The following PKHD1 variants were observed in gnomAD, a reference collection of about 807,000 sequenced individuals.
PKHD1 encodes fibrocystin.
Under a neutral mutation model 412.0 loss-of-function variants are expected in PKHD1, and 291 were observed. The ratio of observed to expected loss-of-function variants is 0.71; its 90% CI spans 0.64 to 0.78. PKHD1 has a LOEUF of 0.78. Ranked by LOEUF, PKHD1 falls within the 30% of genes least tolerant of loss-of-function variation. The probability of loss-of-function intolerance (pLI) is 0.00; values close to 1 mark genes in which losing one functional copy is unlikely to be tolerated. For missense variants in PKHD1, 4,825 were observed against 4,950.7 expected (o/e 0.97, Z 0.76); for synonymous variants, 1,777 against 1,821.5 (o/e 0.98, Z 0.62).
At chr6:51,689,442 G>A (rs1486633243) in intron 60 of PKHD1, among the ~76,000 whole-genome samples, 3 of 152,178 alleles carry the variant, frequency 2.0e-5, no homozygotes, top group Non-Finnish European at 2.9e-5. Flanking sequence ...CACAAGACAA[G>A]GATGTCCTCT....
chr6:51,869,430 G>A (rs1340978032), intron 47 of PKHD1, among the ~76,000 whole-genome samples: 2 of 151,990 alleles, frequency 1.3e-5, no homozygotes, highest in Non-Finnish European at 2.9e-5. Flanking sequence ...TACAATAATA[G>A]GCTTGGACAT....
At chr6:51,637,318 G>C (rs959009732) in intron 64 of PKHD1, among the ~76,000 whole-genome samples, 4 of 152,004 alleles carry the variant, frequency 2.6e-5, no homozygotes, top group African/African-American at 9.7e-5. Context: ...GGAATCCCAC[G>C]GTCAAGGACA....
rs761267998 is a variant in PKHD1 at position 51,659,958 on chromosome 6, C to T, written c.10168G>A (p.Glu3390Lys). 18 of 1,597,068 alleles carry T rather than the reference C, an allele frequency of 1.1e-5. No homozygotes were observed. The South Asian group carries it at 1.5e-4, about 14-fold the overall frequency. Residue 3390 changes from glutamate (E) to lysine (K), a missense_variant, in exon 61 of 67, where the codon GAA (glutamate) becomes AAA (lysine). By Grantham distance (56) the Glu-to-Lys change is moderately conservative. Transcript: ENST00000371117. ...AATTGGTATGTACATTTCTGTTCTT[C>T]TCTAAATGTACCTATAAAAGAAAAG... is the stretch of plus-strand genomic sequence containing the variant. Reference protein sequence around the residue: ...ASFFNAGTFREEQKCTYQFLM... With the variant: ...ASFFNAGTFRKEQKCTYQFLM...
intron 60 of PKHD1, among the ~76,000 whole-genome samples, chr6:51,668,614 G>C (rs1338678866): frequency 2.0e-5 from 3 of 151,690 alleles, no homozygotes; most frequent in Admixed American, 1.3e-4. Flanking sequence ...GGGCATCCCT[G>C]TCTTGTGCCA....
At chr6:51,677,021 A>C (rs946571060) in intron 60 of PKHD1, among the ~76,000 whole-genome samples, 3 of 152,264 alleles carry the variant, frequency 2.0e-5, no homozygotes, top group Admixed American at 2.0e-4. Flanking sequence ...AGCTACTTAA[A>C]GTCTATTGAG....
intron 52 of PKHD1, among the ~76,000 whole-genome samples, chr6:51,793,609 C>T (rs532000786): frequency 3.3e-5 from 5 of 152,272 alleles, no homozygotes; most frequent in African/African-American, 9.6e-5. Context: ...AGCAAGAACA[C>T]GTGGTATTTT....
At chr6:51,752,447 C>A (rs1786258928) in intron 57 of PKHD1, among the ~76,000 whole-genome samples, 1 of 152,166 alleles carries the variant, frequency 6.6e-6, no homozygotes, top group Non-Finnish European at 1.5e-5. Flanking sequence ...AACTAGAAAT[C>A]TTAAATGTCT....
chr6:51,763,347 GC>G (rs1788369891), intron 55 of PKHD1, among the ~76,000 whole-genome samples: 1 of 152,070 alleles, frequency 6.6e-6, no homozygotes, highest in South Asian at 2.1e-4. Flanking sequence ...ATAAATGGTA[GC>G]TAGTTAATGA....
chr6:52,017,336 ACT>A, intron 34 of PKHD1, 72 bp downstream of exon 34: 1 of 1,088,380 alleles, frequency 9.2e-7, no homozygotes, highest in Non-Finnish European at 1.4e-6. Flanking sequence ...CCCAGCCTAC[ACT>A]CTCTGATGGC....
At chr6:51,920,849 G>A (rs1784579959) in intron 37 of PKHD1, among the ~76,000 whole-genome samples, 2 of 152,044 alleles carry the variant, frequency 1.3e-5, no homozygotes, top group Admixed American at 1.3e-4. Flanking sequence ...GTTTAGTCTT[G>A]GGAGGGTGTA....
chr6:51,950,220 A>AAAAAAAAAAATAT, intron 36 of PKHD1, among the ~76,000 whole-genome samples: 1 of 98,328 alleles, frequency 1.0e-5, no homozygotes, highest in Non-Finnish European at 2.0e-5. Flanking sequence ...GAAAAAAAAA[A>AAAAAAAAAAATAT]ATATATATAT....
chr6:51,980,852 A>G (rs1266261927), intron 35 of PKHD1, among the ~76,000 whole-genome samples: 1 of 152,236 alleles, frequency 6.6e-6, no homozygotes, highest in Non-Finnish European at 1.5e-5. Context: ...TGAGCCAAAT[A>G]TCATTGAAAT....
At chr6:51,708,669 C>T (rs915795536) in intron 60 of PKHD1, among the ~76,000 whole-genome samples, 4 of 152,038 alleles carry the variant, frequency 2.6e-5, no homozygotes, top group African/African-American at 9.7e-5. Flanking sequence ...ACAGATTGTC[C>T]CACCATCTCA....
chr6:51,699,920 AGTGTGTGTGTGTGTGT>A (rs148337538), intron 60 of PKHD1, among the ~76,000 whole-genome samples: 1 of 137,810 alleles, frequency 7.3e-6, no homozygotes, highest in Non-Finnish European at 1.6e-5. Context: ...ATATATATGG[AGTGTGTGTGTGTGTGT>A]GTGTGTGTGT....
At chr6:51,976,090 G>A (rs1285185531) in intron 35 of PKHD1, 1 of 151,096 alleles carries the variant, frequency 6.6e-6, no homozygotes, top group Non-Finnish European at 1.5e-5. Context: ...GGGGAAAACA[G>A]TAGGACAATT....
chr6:51,932,006 G>C (rs996041543), intron 37 of PKHD1, among the ~76,000 whole-genome samples: 3 of 152,064 alleles, frequency 2.0e-5, no homozygotes, highest in African/African-American at 7.2e-5. Flanking sequence ...AGAGGAGAAA[G>C]AGGAAGGAGG....
intron 60 of PKHD1, among the ~76,000 whole-genome samples, chr6:51,696,049 T>C (rs1778765790): frequency 6.6e-6 from 1 of 152,212 alleles, no homozygotes; most frequent in Non-Finnish European, 1.5e-5. Context: ...TCATCTTTAT[T>C]TGAATTGTAA....
chr6:51,705,129 G>T (rs763587259), intron 60 of PKHD1, among the ~76,000 whole-genome samples: 2 of 151,896 alleles, frequency 1.3e-5, no homozygotes, highest in Non-Finnish European at 2.9e-5. Flanking sequence ...AAGAATGAGG[G>T]CTGTTGTGGA....
At chr6:51,840,776 A>G (rs1319612719) in intron 50 of PKHD1, among the ~76,000 whole-genome samples, 1 of 152,246 alleles carries the variant, frequency 6.6e-6, no homozygotes, top group Non-Finnish European at 1.5e-5. Flanking sequence ...CAGATGGAAA[A>G]GATCCTTACT....
Sources: gnomAD v4.1 joint callset for allele counts (sites outside exome capture counted in the v4.1 genomes callset) on GRCh38, gnomAD v4.1.1 for gene constraint, MANE v1.5 for transcripts, NCBI Gene and HGNC (gene_info 2026-07-23, HGNC 2026-07-21) for gene names.